The following GPHN variants were observed in gnomAD, a reference collection of about 807,000 sequenced individuals.
GPHN encodes gephyrin.
Under a neutral mutation model 95.5 loss-of-function variants are expected in GPHN, and 17 were observed. The observed-to-expected ratio is 0.18, with a 90% CI of 0.12 to 0.27. GPHN has a LOEUF of 0.27. GPHN is among the 10% of genes least tolerant of loss of function. GPHN has a pLI of 1.00. For missense variants in GPHN, 660 were observed against 978.1 expected, an observed-to-expected ratio of 0.67 and a Z score of 4.34; for synonymous variants, 320 against 322.5, an observed-to-expected ratio of 0.99 and a Z score of 0.08.
In GPHN at chr14:66,680,289, C is replaced by G. The variant is rs543361553; in HGVS notation, c.65-818C>G. On this transcript the variant is annotated intron_variant, in intron 1 of 22. Transcript: ENST00000478722. The stretch of plus-strand genomic sequence containing the variant: ...TGGCTCCCCACCCACTAAGGGGATG[C>G]TTTTGGTTGAGAGCAAATATCTTGT... 1.1e-4 allele frequency among the ~76,000 whole-genome samples: 16 copies of G among 152,320 alleles called. 1 individual carries two copies. The South Asian group carries it at 3.3e-3, about 32-fold the overall frequency.
chr14:66,790,946 C>G (rs1387317587), intron 3 of GPHN, among the ~76,000 whole-genome samples: 1 of 152,220 alleles, frequency 6.6e-6, no homozygotes, highest in African/African-American at 2.4e-5. Flanking sequence ...GCAGATTAAT[C>G]CAAAGAGAAT....
At chr14:67,560,313 C>A in the GPHN span, among the ~76,000 whole-genome samples, 1 of 152,190 alleles carries the variant, frequency 6.6e-6, no homozygotes, top group Non-Finnish European at 1.5e-5. Context: ...AGGAGGGAAC[C>A]ACCGTGCCCT....
intron 6 of GPHN, among the ~76,000 whole-genome samples, chr14:66,921,510 C>G (rs1032743880): frequency 6.7e-6 from 1 of 148,234 alleles, no homozygotes; most frequent in Non-Finnish European, 1.5e-5. Context: ...AGCCCTTTGT[C>G]AGATGAGTAG....
chr14:66,590,028 A>T (rs1237949433), intron 1 of GPHN, among the ~76,000 whole-genome samples: 5 of 152,210 alleles, frequency 3.3e-5, no homozygotes, highest in Admixed American at 3.3e-4. Context: ...AAACTCACTC[A>T]AAACCGCGTA....
intron 10 of GPHN, among the ~76,000 whole-genome samples, chr14:67,056,721 G>A (rs1051185815): frequency 4.6e-5 from 7 of 152,216 alleles, no homozygotes; most frequent in East Asian, 1.9e-4. Context: ...CCCACACCAC[G>A]TGCCCACACT....
chr14:67,021,378 C>G (rs1193446110), intron 9 of GPHN, among the ~76,000 whole-genome samples: 1 of 152,084 alleles, frequency 6.6e-6, no homozygotes, highest in Non-Finnish European at 1.5e-5. Context: ...GATAAACGCT[C>G]AGATTCAGGG....
the GPHN span, chr14:67,729,952 T>C: frequency 2.6e-6 from 1 of 388,688 alleles, no homozygotes; most frequent in Non-Finnish European, 5.0e-6. Flanking sequence ...CAGCCCTGTC[T>C]GCTCTGTTGT....
At chr14:67,062,350 A>T (rs1167105102) in intron 11 of GPHN, among the ~76,000 whole-genome samples, 3 of 152,266 alleles carry the variant, frequency 2.0e-5, no homozygotes, top group African/African-American at 7.2e-5. Context: ...ACATTCTATG[A>T]AATTACAAAT....
the GPHN span, among the ~76,000 whole-genome samples, chr14:67,522,868 C>G: frequency 6.6e-6 from 1 of 152,228 alleles, no homozygotes; most frequent in African/African-American, 2.4e-5. Flanking sequence ...CTGCCACCTT[C>G]AGGAAAGGCT....
chr14:67,150,377 CT>C (rs2081184433), intron 18 of GPHN, among the ~76,000 whole-genome samples: 1 of 132,874 alleles, frequency 7.5e-6, no homozygotes, highest in Admixed American at 8.6e-5. Flanking sequence ...GGAGGCGGAG[CT>C]TGCAGTGAGC....
At chr14:67,216,265 A>T in the GPHN span, among the ~76,000 whole-genome samples, 2 of 151,998 alleles carry the variant, frequency 1.3e-5, no homozygotes, top group African/African-American at 4.8e-5. Context: ...ATCTATATTC[A>T]TCTGGGATAC....
the GPHN span, among the ~76,000 whole-genome samples, chr14:67,430,242 G>A: frequency 6.6e-6 from 1 of 152,166 alleles, no homozygotes; most frequent in East Asian, 1.9e-4. Flanking sequence ...GACAGAGCTT[G>A]AACCCTGTAT....
intron 1 of GPHN, among the ~76,000 whole-genome samples, chr14:66,678,379 T>A (rs560131122): frequency 1.3e-5 from 2 of 152,044 alleles, no homozygotes; most frequent in African/African-American, 4.8e-5. Context: ...AAGCTTTCAA[T>A]TGTATTTTTT....
intron 5 of GPHN, among the ~76,000 whole-genome samples, chr14:66,884,818 G>A (rs867598341): frequency 4.1e-5 from 6 of 144,914 alleles, no homozygotes; most frequent in Non-Finnish European, 7.6e-5. Flanking sequence ...ATGTGTGTGT[G>A]TATATATATA....
intron 4 of GPHN, among the ~76,000 whole-genome samples, chr14:66,868,807 T>C (rs2063326746): frequency 6.6e-6 from 1 of 152,194 alleles, no homozygotes; most frequent in South Asian, 2.1e-4. Flanking sequence ...CCTGAATTAC[T>C]GAATCATTGT....
the GPHN span, among the ~76,000 whole-genome samples, chr14:67,437,513 C>G: frequency 6.6e-6 from 1 of 152,118 alleles, no homozygotes; most frequent in Non-Finnish European, 1.5e-5. Context: ...GCAAGTGACA[C>G]GGTCTGATTT....
intron 6 of GPHN, among the ~76,000 whole-genome samples, chr14:66,916,790 C>G (rs919008469): frequency 2.6e-5 from 4 of 152,212 alleles, no homozygotes; most frequent in Non-Finnish European, 4.4e-5. Context: ...CCCTCAGACT[C>G]TCTTTGGGTA....
chr14:66,584,935 A>G (rs916700202), intron 1 of GPHN, among the ~76,000 whole-genome samples: 20 of 151,982 alleles, frequency 1.3e-4, no homozygotes, highest in Non-Finnish European at 2.5e-4. Flanking sequence ...CTCTTTTTCT[A>G]TTGATTGGAA....
At chr14:66,929,792 G>T (rs1307054031) in intron 8 of GPHN, among the ~76,000 whole-genome samples, 3 of 151,558 alleles carry the variant, frequency 2.0e-5, no homozygotes, top group African/African-American at 7.3e-5. Context: ...GCTCACTGCA[G>T]TCTCTGCCTC....
Sources: gnomAD v4.1 joint callset for allele counts (sites outside exome capture counted in the v4.1 genomes callset) on GRCh38, gnomAD v4.1.1 for gene constraint, MANE v1.5 for transcripts, NCBI Gene and HGNC (gene_info 2026-07-23, HGNC 2026-07-21) for gene names.